The following SERPINA12 variants were observed in gnomAD, a reference collection of about 807,000 sequenced individuals.
SERPINA12 encodes the protein serpin A12.
A neutral mutation model predicts 25.9 loss-of-function variants in SERPINA12; 21 were observed. That is an observed-to-expected ratio of 0.81 (90% CI 0.58 to 1.17). The LOEUF is 1.17. SERPINA12 is among the 50% of genes most tolerant of loss of function. The pLI, the probability that SERPINA12 is intolerant of heterozygous loss-of-function variation, is 0.00. For synonymous variants in SERPINA12, 220 were observed against 196.0 expected (o/e 1.12, Z -1.02); for missense variants, 562 against 508.3 (o/e 1.11, Z -1.02).
chr14:94,496,651 T>C lies in SERPINA12; in HGVS notation c.635-8A>G. On this transcript the variant is annotated splice_region_variant and splice_polypyrimidine_tract_variant and intron_variant, in intron 2 of 4. Transcript: ENST00000677451. ...ACTCATGTTTCCACCTGGCTTAGAT[T>C]GAAGAAAGACAAACAGACATGTTAT... is the stretch of plus-strand genomic sequence containing the variant. 6.2e-7 allele frequency: 1 copy of C among 1,612,522 alleles called. No individual in the cohort carries two copies. Among genetic ancestry groups the C allele is most frequent in the Non-Finnish European group, 8.5e-7 (1 of 1,179,228 alleles).
At chr14:94,490,829 C>G (rs574994468) in intron 3 of SERPINA12, among the ~76,000 whole-genome samples, 1 of 152,158 alleles carries the variant, frequency 6.6e-6, no homozygotes, top group Non-Finnish European at 1.5e-5. Context: ...TGATGGTAAT[C>G]CCTTTCTCCA....
chr14:94,514,680 T>C (rs891329246), intron 2 of SERPINA12, among the ~76,000 whole-genome samples: 4 of 152,110 alleles, frequency 2.6e-5, no homozygotes, highest in Admixed American at 2.0e-4. Context: ...AGGGACTTGG[T>C]CTGGGCCATG....
intron 1 of SERPINA12, among the ~76,000 whole-genome samples, chr14:94,501,516 A>G (rs957966628): frequency 3.3e-5 from 5 of 152,104 alleles, no homozygotes; most frequent in African/African-American, 1.2e-4. Context: ...GTCCTCCCCA[A>G]CTTGTGTGTT....
chr14:94,501,120 G>A, intron 1 of SERPINA12: 1 of 985,300 alleles, frequency 1.0e-6, no homozygotes, highest in Non-Finnish European at 1.2e-6. Context: ...TCCCAAGAAT[G>A]CTTCAGATAA....
intron 1 of SERPINA12, among the ~76,000 whole-genome samples, chr14:94,500,146 T>C (rs751511904): frequency 5.9e-5 from 9 of 152,312 alleles, no homozygotes; most frequent in Non-Finnish European, 7.3e-5. Flanking sequence ...CAAATCCTTC[T>C]ACGCCAAGCA....
rs552412343 is a variant in SERPINA12 at position 94,496,400 on chromosome 14, G to T, written c.878C>A (p.Ser293Tyr). The T allele has an allele frequency of 6.2e-7, 1 of 1,614,154 alleles. No individual in the cohort carries two copies. The highest frequency in any genetic ancestry group is 1.1e-5 in the South Asian group (1 of 91,082). ...GCGTGACAGTAATGTTTTCCATCTG[G>T]AGAAAGTGTCCACCTGCAATCCCTT... Reference protein sequence around the residue: ...LEKGLQVDTFSRWKTLLSRRV... With the variant: ...LEKGLQVDTFYRWKTLLSRRV... Residue 293 changes from serine (S) to tyrosine (Y), a missense_variant, in exon 3 of 5, where the codon TCC (serine) becomes TAC (tyrosine). Physicochemically the swap from Ser to Tyr is moderately radical, Grantham distance 144. Coordinates refer to ENST00000677451, the MANE Select transcript of SERPINA12 (RefSeq NM_001382267.1).
chr14:94,488,838 T>C (rs900219515), intron 4 of SERPINA12, among the ~76,000 whole-genome samples: 25 of 152,188 alleles, frequency 1.6e-4, no homozygotes, highest in African/African-American at 5.5e-4. Context: ...CTCACGCCTG[T>C]AATCCCAGCA....
In SERPINA12 at chr14:94,496,406, G is replaced by A; in HGVS notation, c.872C>T (p.Thr291Ile). ...CAGTAATGTTTTCCATCTGGAGAAAGTGTCCACCTGCAATCCCTTCTCCAA... is the reference window on the plus strand; with the variant it reads ...CAGTAATGTTTTCCATCTGGAGAAAATGTCCACCTGCAATCCCTTCTCCAA... ...KHLEKGLQVDTFSRWKTLLSR... is the reference protein window; with the variant it reads ...KHLEKGLQVDIFSRWKTLLSR... Residue 291 changes from threonine to isoleucine, a missense_variant, in exon 3 of 5, where the codon ACT becomes ATT. Physicochemically the swap from Thr to Ile is moderately conservative, Grantham distance 89. Coordinates refer to ENST00000677451, the MANE Select transcript of SERPINA12 (RefSeq NM_001382267.1). 1 of 1,614,188 alleles carries A rather than the reference G, an allele frequency of 6.2e-7. No individual in the cohort carries two copies. Among genetic ancestry groups the A allele is most frequent in the South Asian group, 1.1e-5 (1 of 91,078 alleles).
intron 4 of SERPINA12, among the ~76,000 whole-genome samples, 198 bp from the exon 5 acceptor site, chr14:94,487,692 G>A (rs980627145): frequency 2.0e-5 from 3 of 152,150 alleles, no homozygotes; most frequent in Non-Finnish European, 2.9e-5. Flanking sequence ...CCGTGTGAAG[G>A]AAAAGATGGT....
At chr14:94,515,190 G>A (rs1436980962) in intron 2 of SERPINA12, among the ~76,000 whole-genome samples, 1 of 152,162 alleles carries the variant, frequency 6.6e-6, no homozygotes, top group East Asian at 1.9e-4. Context: ...TGTTTCTGTG[G>A]GAGAGGCTGA....
chr14:94,510,363 A>T, upstream of SERPINA12: 1 of 595,030 alleles, frequency 1.7e-6, no homozygotes, highest in African/African-American at 2.0e-5. Flanking sequence ...AACATTACTA[A>T]CCATCAGGGA....
At chr14:94,511,694 T>G (rs1901114721), upstream of SERPINA12, 1 of 985,378 alleles carries the variant, frequency 1.0e-6, no homozygotes. Flanking sequence ...CCTGCTTCCT[T>G]CCAAAGAGGC....
At chr14:94,503,438 A>G (rs1900815487) in intron 1 of SERPINA12, 1 of 404,484 alleles carries the variant, frequency 2.5e-6, no homozygotes, top group Non-Finnish European at 3.3e-6. Context: ...AATGGTCCAT[A>G]TTGATGCTGC....
rs763255731 is a variant in SERPINA12 at position 94,496,623 on chromosome 14, C to G, written c.655G>C (p.Asp219His). 6.2e-7 allele frequency: 1 copy of G among 1,613,976 alleles called. No homozygotes were observed. ...FFRARWKHEF[D>H]PNVTKEEDFF... ...TCTTCCTCTTTAGTTACATTTGGAT[C>G]AAACTCATGTTTCCACCTGGCTTAG... Residue 219 changes from aspartate to histidine, a missense_variant, in exon 3 of 5, where the codon GAT becomes CAT. By Grantham distance (81) the Asp-to-His change is moderately conservative. Coordinates refer to ENST00000677451, the MANE Select transcript of SERPINA12 (RefSeq NM_001382267.1).
At chr14:94,506,084 T>A (rs1900921994) in intron 1 of SERPINA12, among the ~76,000 whole-genome samples, 3 of 152,198 alleles carry the variant, frequency 2.0e-5, no homozygotes, top group African/African-American at 7.2e-5. Flanking sequence ...TCAGGTCCCA[T>A]GGATTTGTGC....
intron 2 of SERPINA12, among the ~76,000 whole-genome samples, 174 bp from the exon 3 acceptor site, chr14:94,496,817 C>T (rs1248426556): frequency 6.6e-6 from 1 of 152,098 alleles, no homozygotes; most frequent in African/African-American, 2.4e-5. Context: ...GATATGGGCT[C>T]AGGTGCAATT....
chr14:94,487,404 G>T lies in SERPINA12; in HGVS notation c.1144C>A (p.Leu382Ile), dbSNP rs750528297. ...TAGGGTTTGTCTATCTTGACGACGA[G>T]TGGTGTCTCCATGGGCAGAGTCTGT... ...GAQTLPMETP[L>I]VVKIDKPYLL... The change falls in exon 5 of 5, where the codon CTC becomes ATC. Residue 382 changes from leucine (L) to isoleucine (I), a missense_variant. Coordinates refer to ENST00000677451, the MANE Select transcript of SERPINA12 (RefSeq NM_001382267.1). 1.7e-5 allele frequency: 28 copies of T among 1,613,998 alleles called. No individual in the cohort carries two copies. The highest frequency in any genetic ancestry group is 3.4e-6 in the Non-Finnish European group (4 of 1,179,984).
chr14:94,499,360 A>T (rs770162783), intron 1 of SERPINA12, among the ~76,000 whole-genome samples: 4 of 152,126 alleles, frequency 2.6e-5, no homozygotes, highest in African/African-American at 9.7e-5. Context: ...TCCAACGGCC[A>T]CTGTGAGCTT....
In SERPINA12 at chr14:94,489,666, C is replaced by T. The variant is rs759292749; in HGVS notation, c.1007G>A (p.Gly336Asp). The T allele has an allele frequency of 1.2e-6, 2 of 1,614,172 alleles. No homozygotes were observed. The highest frequency in any genetic ancestry group is 1.7e-6 in the Non-Finnish European group (2 of 1,180,032). ...IGVSKIFEEH[G>D]DLTKIAPHRS... Reference sequence around the variant, plus strand: ...ATGAGGGGCGATCTTGGTGAGATCACCATGTTCCTCAAAGATTTTGGAGAC... The same window carrying T: ...ATGAGGGGCGATCTTGGTGAGATCATCATGTTCCTCAAAGATTTTGGAGAC... Residue 336 changes from glycine (G) to aspartate (D), a missense_variant, in exon 4 of 5, where the codon GGT (glycine) becomes GAT (aspartate). By Grantham distance (94) the Gly-to-Asp change is moderately conservative. Transcript: ENST00000677451.
Sources: allele counts gnomAD v4.1 joint callset (sites outside exome capture counted in the v4.1 genomes callset), GRCh38; gene constraint gnomAD v4.1.1; transcripts MANE v1.5; gene names NCBI Gene and HGNC (gene_info 2026-07-23, HGNC 2026-07-21).